PLCL1: variants seen among roughly 807,000 people sequenced by gnomAD.
PLCL1 encodes the protein inactive phospholipase C-like protein 1.
Under a neutral mutation model 84.4 loss-of-function variants are expected in PLCL1, and 41 were observed. That is an observed-to-expected ratio of 0.49 (90% CI 0.38 to 0.63). The LOEUF (loss-of-function observed/expected upper bound fraction) is 0.63, where lower values mean the gene tolerates loss of function less well. Ranked by LOEUF, PLCL1 falls within the 30% of genes least tolerant of loss-of-function variation. The probability of loss-of-function intolerance (pLI) is 0.00; values close to 1 mark genes in which losing one functional copy is unlikely to be tolerated. For missense variants in PLCL1, 1,206 were observed against 1,367.8 expected, an observed-to-expected ratio of 0.88 and a Z score of 1.87; for synonymous variants, 490 against 488.3, an observed-to-expected ratio of 1.00 and a Z score of -0.05.
At chr2:198,026,973 TA>T (rs1166652531) in intron 1 of PLCL1, among the ~76,000 whole-genome samples, 1 of 151,948 alleles carries the variant, frequency 6.6e-6, no homozygotes, top group Non-Finnish European at 1.5e-5. Flanking sequence ...CTCAAAAAAC[TA>T]AAAAAAGAAC....
At chr2:198,041,544 G>T (rs1219886872) in intron 1 of PLCL1, among the ~76,000 whole-genome samples, 1 of 152,086 alleles carries the variant, frequency 6.6e-6, no homozygotes, top group Non-Finnish European at 1.5e-5. Context: ...TGAAATCTGA[G>T]GCATGGTTCA....
chr2:198,035,372 A>G (rs1196674049), intron 1 of PLCL1, among the ~76,000 whole-genome samples: 1 of 152,260 alleles, frequency 6.6e-6, no homozygotes, highest in Non-Finnish European at 1.5e-5. Flanking sequence ...TAGTACCATT[A>G]TCTTGGTTTC....
At chr2:197,941,753 TTCTCTC>T (rs143725762) in intron 1 of PLCL1, among the ~76,000 whole-genome samples, 2 of 151,746 alleles carry the variant, frequency 1.3e-5, no homozygotes, top group African/African-American at 4.8e-5. Flanking sequence ...CCATTCTGCT[TTCTCTC>T]TCTCTCTCTC....
rs1487028910 is a variant in PLCL1 at position 197,866,648 on chromosome 2, C to A, written c.240+61309C>A. ...TCTCTAGAGGTGACATATAAATACT[C>A]CAGCTCCCTCACCCTCAGATGAGAT... On this transcript the variant is annotated intron_variant, in intron 1 of 5. Transcript: ENST00000428675. Among the ~76,000 whole-genome samples, 4 of 152,086 alleles carry A rather than the reference C, an allele frequency of 2.6e-5. No individual in the cohort carries two copies. The East Asian group carries it at 7.7e-4, about 29-fold the overall frequency.
rs186936171 is a variant in PLCL1, at chr2:197,835,840, T to C, written c.240+30501T>C. Among the ~76,000 whole-genome samples the C allele has an allele frequency of 2.6e-3, 390 of 152,324 alleles. 5 individuals carry two copies. Among genetic ancestry groups the C allele is most frequent in the African/African-American group, 9.1e-3 (377 of 41,558 alleles). The stretch of plus-strand genomic sequence containing the variant: ...TATTTTATTTTTGTTCTTAAAATAT[T>C]AACTCATTTTTTTCAGTCGGACAAT... On this transcript the variant is annotated intron_variant, in intron 1 of 5. Transcript: ENST00000428675.
At chr2:197,946,617 T>C (rs1689277878) in intron 1 of PLCL1, among the ~76,000 whole-genome samples, 1 of 152,174 alleles carries the variant, frequency 6.6e-6, no homozygotes, top group South Asian at 2.1e-4. Flanking sequence ...GAGAATATAC[T>C]CTGGGGGCAG....
At chr2:197,875,728 TA>T (rs966388254) in intron 1 of PLCL1, among the ~76,000 whole-genome samples, 37 of 146,560 alleles carry the variant, frequency 2.5e-4, no homozygotes, top group East Asian at 1.2e-3. Context: ...GCATTAGGCT[TA>T]AAAAAAAAAA....
intron 5 of PLCL1, among the ~76,000 whole-genome samples, chr2:198,108,257 T>C (rs1204961244): frequency 6.6e-6 from 1 of 151,870 alleles, no homozygotes; most frequent in East Asian, 1.9e-4. Flanking sequence ...ACATAATCAC[T>C]GAATTAGGAG....
At chr2:198,064,517 A>G (rs1483876131) in intron 1 of PLCL1, among the ~76,000 whole-genome samples, 1 of 152,148 alleles carries the variant, frequency 6.6e-6, no homozygotes, top group Non-Finnish European at 1.5e-5. Flanking sequence ...CTTAGCCACA[A>G]TTAAAATGTT....
At chr2:198,007,491 T>G (rs1357275084) in intron 1 of PLCL1, among the ~76,000 whole-genome samples, 4 of 152,146 alleles carry the variant, frequency 2.6e-5, no homozygotes, top group African/African-American at 4.8e-5. Flanking sequence ...AGTACATATA[T>G]TAAAAAATAG....
chr2:197,902,559 A>C (rs1296534840), intron 1 of PLCL1, among the ~76,000 whole-genome samples: 2 of 152,224 alleles, frequency 1.3e-5, no homozygotes, highest in East Asian at 3.8e-4. Flanking sequence ...TATCTCTGGA[A>C]TAGGCAGTTC....
At chr2:197,907,247 C>A (rs377461283) in intron 1 of PLCL1, among the ~76,000 whole-genome samples, 1 of 146,498 alleles carries the variant, frequency 6.8e-6, no homozygotes, top group South Asian at 2.2e-4. Context: ...CTTTTTCTTT[C>A]TTTTTTTTTT....
intron 1 of PLCL1, among the ~76,000 whole-genome samples, chr2:197,876,291 G>A (rs2105709925): frequency 6.6e-6 from 1 of 152,292 alleles, no homozygotes; most frequent in Non-Finnish European, 1.5e-5. Flanking sequence ...TGGCCCAGAA[G>A]AGGGGCTGGT....
chr2:197,912,313 T>C (rs543191298), intron 1 of PLCL1, among the ~76,000 whole-genome samples: 1 of 150,898 alleles, frequency 6.6e-6, no homozygotes, highest in Admixed American at 6.6e-5. Flanking sequence ...GGAGAGGATG[T>C]GGAGAAATAG....
intron 1 of PLCL1, among the ~76,000 whole-genome samples, chr2:197,806,326 A>G (rs1287144865): frequency 3.9e-5 from 6 of 152,200 alleles, no homozygotes; most frequent in Non-Finnish European, 7.3e-5. Context: ...CTCAATGACA[A>G]TGAAAGATGG....
chr2:197,884,317 G>A (rs1687880259), intron 1 of PLCL1, among the ~76,000 whole-genome samples: 1 of 152,210 alleles, frequency 6.6e-6, no homozygotes, highest in African/African-American at 2.4e-5. Flanking sequence ...CAGACAGCTG[G>A]AAGAAAGATG....
chr2:197,933,838 G>T (rs1264773869), intron 1 of PLCL1, among the ~76,000 whole-genome samples: 1 of 151,902 alleles, frequency 6.6e-6, no homozygotes, highest in Non-Finnish European at 1.5e-5. Context: ...ATATATAATG[G>T]CCTCTATAAT....
intron 1 of PLCL1, among the ~76,000 whole-genome samples, chr2:198,024,268 G>A (rs1574254685): frequency 1.3e-5 from 2 of 152,068 alleles, no homozygotes; most frequent in African/African-American, 4.8e-5. Flanking sequence ...GCAAGGGGAG[G>A]GATAGCATTA....
intron 1 of PLCL1, among the ~76,000 whole-genome samples, chr2:198,035,570 A>G (rs1691536750): frequency 6.6e-6 from 1 of 152,248 alleles, no homozygotes; most frequent in South Asian, 2.1e-4. Flanking sequence ...CACACGAGCC[A>G]GCTCCAAGGG....
Sources: gnomAD v4.1 joint callset for allele counts (sites outside exome capture counted in the v4.1 genomes callset) on GRCh38, gnomAD v4.1.1 for gene constraint, MANE v1.5 for transcripts, NCBI Gene and HGNC (gene_info 2026-07-23, HGNC 2026-07-21) for gene names.